Variants in MRPL42 observed in about 807,000 individuals in gnomAD.
The protein encoded by MRPL42 is large ribosomal subunit protein mL42.
MRPL42 carries 17 observed loss-of-function variants against 17.9 expected under a neutral mutation model. The ratio of observed to expected loss-of-function variants is 0.95; its 90% CI spans 0.65 to 1.42. MRPL42 has a LOEUF of 1.42. MRPL42 is among the 40% of genes most tolerant of loss of function. The pLI is 0.00. For missense variants in MRPL42, 177 were observed against 175.2 expected (o/e 1.01, Z -0.06); for synonymous variants, 59 against 54.4 (o/e 1.08, Z -0.37).
intron 4 of MRPL42, among the ~76,000 whole-genome samples, chr12:93,481,237 C>T (rs942540418): frequency 4.6e-5 from 7 of 152,158 alleles, no homozygotes; most frequent in African/African-American, 1.4e-4. Context: ...CAATCTTAGC[C>T]TATTCCAGAA....
chr12:93,490,674 G>GATTC (rs1162536302), intron 5 of MRPL42, among the ~76,000 whole-genome samples: 1 of 151,992 alleles, frequency 6.6e-6, no homozygotes, highest in Non-Finnish European at 1.5e-5. Context: ...TTCATCCATT[G>GATTC]ATTCATTCAT....
intron 4 of MRPL42, among the ~76,000 whole-genome samples, chr12:93,483,524 A>C (rs1438379075): frequency 1.3e-5 from 2 of 152,204 alleles, no homozygotes; most frequent in African/African-American, 4.8e-5. Flanking sequence ...AAACGTATTT[A>C]AACATAGAAA....
At chr12:93,497,207 G>A (rs927189743) in intron 5 of MRPL42, among the ~76,000 whole-genome samples, 2 of 152,092 alleles carry the variant, frequency 1.3e-5, no homozygotes, top group Admixed American at 1.3e-4. Flanking sequence ...CGAGGAGGAA[G>A]GACTCCTCCC....
chr12:93,480,836 G>A (rs1041412870), intron 4 of MRPL42, among the ~76,000 whole-genome samples: 1 of 152,058 alleles, frequency 6.6e-6, no homozygotes, highest in East Asian at 1.9e-4. Context: ...CACCGCGCCC[G>A]ACAAATAATT....
At chr12:93,489,779 G>A (rs1555201840) in intron 5 of MRPL42, among the ~76,000 whole-genome samples, 4 of 152,102 alleles carry the variant, frequency 2.6e-5, no homozygotes, top group Admixed American at 2.0e-4. Flanking sequence ...CAGGTGATCT[G>A]CCCCACTTGG....
In MRPL42 at chr12:93,513,183, A is replaced by T. The variant is rs1002950186; in HGVS notation, c.*11962A>T. ...AACCAGCTCATTTGTGACATTTAGA[A>T]TTTTTTTTTTTTTTTTTTTTTTTTG... On this transcript the variant is annotated 3_prime_UTR_variant, in exon 6 of 6. Transcript: ENST00000549982. The T allele has an allele frequency of 1.1e-5, 1 of 89,174 alleles. No individual in the cohort carries two copies. The highest frequency in any genetic ancestry group is 2.1e-5 in the Non-Finnish European group (1 of 48,512). The allele number at this position is 89,174 out of a possible 1,614,324, so 5.5% of individuals were successfully genotyped here. A position where few individuals can be genotyped will look rare whatever the true frequency, so the allele number is the denominator to read the frequency against.
At chr12:93,492,846 C>T (rs1248438036) in intron 5 of MRPL42, among the ~76,000 whole-genome samples, 3 of 150,850 alleles carry the variant, frequency 2.0e-5, no homozygotes, top group African/African-American at 7.3e-5. Flanking sequence ...TAGCCAAAAG[C>T]AAGCACCTTA....
In MRPL42 at chr12:93,467,562, C is replaced by A. The variant is rs1023969443; in HGVS notation, c.-95+8C>A. 3 of 152,502 alleles carry A rather than the reference C, an allele frequency of 2.0e-5. No homozygotes were observed. The highest frequency in any genetic ancestry group is 1.3e-4 in the Admixed American group (2 of 15,274). 9.4% of individuals were successfully genotyped at this position (152,502 alleles called of 1,614,324 possible). On this transcript the variant is annotated splice_region_variant and intron_variant, in intron 1 of 5. Coordinates refer to ENST00000549982, the MANE Select transcript of MRPL42 (RefSeq NM_014050.4). ...TGGTGAGAAGCCGTCAAGGTAACCG[C>A]TTCCCTCTACTCCTCCTGTCGAGGA...
intron 4 of MRPL42, among the ~76,000 whole-genome samples, chr12:93,480,905 C>T (rs889599228): frequency 2.6e-5 from 4 of 152,060 alleles, no homozygotes; most frequent in African/African-American, 4.8e-5. Flanking sequence ...AAACAAAAGC[C>T]AGGTATCATA....
intron 3 of MRPL42, among the ~76,000 whole-genome samples, chr12:93,478,806 T>C (rs1007770358): frequency 2.0e-5 from 3 of 152,214 alleles, no homozygotes; most frequent in African/African-American, 7.2e-5. Flanking sequence ...GTATTTAAGC[T>C]GACATATTCT....
chr12:93,474,941 C>T (rs1880088980), intron 2 of MRPL42, among the ~76,000 whole-genome samples: 1 of 152,028 alleles, frequency 6.6e-6, no homozygotes, highest in Non-Finnish European at 1.5e-5. Context: ...ACCAAAAATA[C>T]AAAAATTAGC....
intron 4 of MRPL42, among the ~76,000 whole-genome samples, chr12:93,481,887 A>AT (rs1880483205): frequency 6.6e-6 from 1 of 152,100 alleles, no homozygotes; most frequent in Non-Finnish European, 1.5e-5. Flanking sequence ...TATCTCACAC[A>AT]TTCTCACTCC....
intron 5 of MRPL42, among the ~76,000 whole-genome samples, chr12:93,490,051 T>C (rs1403661690): frequency 6.6e-6 from 1 of 152,240 alleles, no homozygotes; most frequent in East Asian, 1.9e-4. Flanking sequence ...TCCAGGTATT[T>C]GAGTTCAAAC....
intron 2 of MRPL42, among the ~76,000 whole-genome samples, chr12:93,476,387 C>T (rs1303616929): frequency 3.3e-5 from 5 of 152,082 alleles, no homozygotes; most frequent in Admixed American, 1.3e-4. Context: ...AGGCTGGTCT[C>T]GAACTCCTTG....
rs921144984 is a variant in MRPL42, at chr12:93,503,827, T to C, written c.*2606T>C. 1.3e-5 allele frequency: 2 copies of C among 152,142 alleles called. No individual in the cohort carries two copies. Among genetic ancestry groups the C allele is most frequent in the Admixed American group, 1.3e-4 (2 of 15,274 alleles). 9.4% of individuals were successfully genotyped at this position (152,142 alleles called of 1,614,324 possible). ...TAGGAATTTTTTCCGTATCATTAAGTACTCTGATTTAATGGGTGCATATTA... is the reference window on the plus strand; with the variant it reads ...TAGGAATTTTTTCCGTATCATTAAGCACTCTGATTTAATGGGTGCATATTA... On this transcript the variant is annotated 3_prime_UTR_variant, in exon 6 of 6. Coordinates refer to ENST00000549982, the MANE Select transcript of MRPL42 (RefSeq NM_014050.4).
intron 5 of MRPL42, among the ~76,000 whole-genome samples, chr12:93,494,191 G>A (rs1177001088): frequency 1.3e-5 from 2 of 151,954 alleles, no homozygotes; most frequent in Admixed American, 6.6e-5. Flanking sequence ...GCTGTTTGAG[G>A]ATTTTCAACA....
intron 3 of MRPL42, among the ~76,000 whole-genome samples, 155 bp from the exon 4 acceptor site, chr12:93,479,233 A>T (rs1880338262): frequency 6.8e-6 from 1 of 147,678 alleles, no homozygotes; most frequent in Non-Finnish European, 1.5e-5. Flanking sequence ...CAGAATGATT[A>T]TTAGGCCGGG....
In MRPL42 at chr12:93,505,492, T is replaced by C. The variant is rs1414929658; in HGVS notation, c.*4271T>C. 6.2e-5 allele frequency: 1 copy of C among 16,184 alleles called. No individual in the cohort carries two copies. Among genetic ancestry groups the C allele is most frequent in the African/African-American group, 2.1e-4 (1 of 4,870 alleles). The allele number at this position is 16,184 out of a possible 1,614,324, so 1.0% of individuals were successfully genotyped here. On this transcript the variant is annotated 3_prime_UTR_variant, in exon 6 of 6. Transcript: ENST00000549982. Reference sequence around the variant, plus strand: ...AGGCAAAGGGAATGCTTCTTCAGATTTTTTTTTTTCCCCAGAAGTTCAAAA... The same window carrying C: ...AGGCAAAGGGAATGCTTCTTCAGATCTTTTTTTTTCCCCAGAAGTTCAAAA...
At chr12:93,473,408 T>C (rs1879999568) in intron 2 of MRPL42, among the ~76,000 whole-genome samples, 1 of 151,948 alleles carries the variant, frequency 6.6e-6, no homozygotes, top group African/African-American at 2.4e-5. Flanking sequence ...ACTACAGATG[T>C]GTACTACCAT....
Sources: allele counts gnomAD v4.1 joint callset (sites outside exome capture counted in the v4.1 genomes callset), GRCh38; gene constraint gnomAD v4.1.1; transcripts MANE v1.5; gene names NCBI Gene and HGNC (gene_info 2026-07-23, HGNC 2026-07-21).